Variants in PLAC1 observed in about 807,000 individuals in gnomAD.
PLAC1 encodes placenta associated 1.
For synonymous variants in PLAC1, 68 were observed against 62.1 expected, an observed-to-expected ratio of 1.09 and a Z score of -0.44; for missense variants, 136 against 163.2, an observed-to-expected ratio of 0.83 and a Z score of 0.91.
chrX:134,726,655 T>C (rs2147840964), intron 2 of PLAC1, among the ~76,000 whole-genome samples: 1 of 109,384 alleles, frequency 9.1e-6, no homozygotes, highest in South Asian at 4.0e-4. Flanking sequence ...AAACCCTGTC[T>C]CTACTAAAAT....
intron 1 of PLAC1, among the ~76,000 whole-genome samples, chrX:134,754,153 C>T: frequency 8.9e-6 from 1 of 112,069 alleles, no homozygotes; most frequent in Admixed American, 9.4e-5. Context: ...GGTACTTTTA[C>T]AATACGTTAT....
chrX:134,707,816 T>C (rs184759087), intron 2 of PLAC1, among the ~76,000 whole-genome samples: 4 of 112,065 alleles, frequency 3.6e-5, no homozygotes, highest in Non-Finnish European at 3.8e-5. Context: ...GTTTTCTCAA[T>C]GTATGTAAAC....
At chrX:134,637,433 A>T (rs1251745505) in intron 1 of PLAC1, among the ~76,000 whole-genome samples, 1 of 111,938 alleles carries the variant, frequency 8.9e-6, no homozygotes, top group Non-Finnish European at 1.9e-5. Flanking sequence ...ATTGGATCAC[A>T]TATTCCAGTT....
At chrX:134,633,198 AC>A in intron 1 of PLAC1, among the ~76,000 whole-genome samples, 1 of 111,755 alleles carries the variant, frequency 8.9e-6, no homozygotes, top group South Asian at 3.8e-4. Context: ...CTGATGGCCT[AC>A]TAAGCACATT....
At chrX:134,673,086 G>A (rs955179002) in intron 2 of PLAC1, among the ~76,000 whole-genome samples, 1 of 112,161 alleles carries the variant, frequency 8.9e-6, no homozygotes, top group Non-Finnish European at 1.9e-5. Flanking sequence ...AACATCTCAG[G>A]CTTGTGAACT....
At chrX:134,760,853 GC>G (rs2078768052) in intron 1 of PLAC1, among the ~76,000 whole-genome samples, 1 of 110,917 alleles carries the variant, frequency 9.0e-6, no homozygotes, top group Non-Finnish European at 1.9e-5. Context: ...GCCTCCAGAG[GC>G]CTTCTGTGCT....
intron 2 of PLAC1, among the ~76,000 whole-genome samples, chrX:134,575,860 C>T (rs1471495767): frequency 1.9e-5 from 2 of 107,967 alleles, no homozygotes; most frequent in Non-Finnish European, 3.8e-5. Flanking sequence ...ATTGGTTAAA[C>T]TTGTGTTCAT....
chrX:134,567,998 G>C (rs976335039), intron 2 of PLAC1, among the ~76,000 whole-genome samples: 1 of 111,664 alleles, frequency 9.0e-6, no homozygotes, highest in East Asian at 2.8e-4. Flanking sequence ...CTCTCAAAGA[G>C]TGACAGGCAG....
At chrX:134,577,750 C>CGTGTGT (rs750817404) in intron 2 of PLAC1, among the ~76,000 whole-genome samples, 1,470 of 94,119 alleles carry the variant, frequency 0.016, 11 homozygotes, top group South Asian at 0.048. Flanking sequence ...TGCATGCATG[C>CGTGTGT]GTGTGTGTGT....
chrX:134,673,453 C>A (rs1008013309), intron 2 of PLAC1, among the ~76,000 whole-genome samples: 1 of 110,187 alleles, frequency 9.1e-6, no homozygotes, highest in Non-Finnish European at 1.9e-5. Flanking sequence ...AATGGCCCAT[C>A]ATTCTGTGGC....
At chrX:134,671,202 A>G (rs1311061469) in intron 2 of PLAC1, among the ~76,000 whole-genome samples, 14 of 111,990 alleles carry the variant, frequency 1.3e-4, no homozygotes, top group Non-Finnish European at 2.4e-4. Flanking sequence ...CTGGCATGAC[A>G]GAGTATTTTT....
At position 134,744,170 on chromosome X, in the gene PLAC1, T is replaced by C. The variant is rs536969220; in HGVS notation, n.90-10651A>G. ...TGTGGCACATGCCTGTAATCCCAGC[T>C]ACTAAGGAGGCTGAGGCAGAAGAAT... is the stretch of plus-strand genomic sequence containing the variant. On this transcript the variant is annotated intron_variant and non_coding_transcript_variant, in intron 1 of 2. Transcript: ENST00000466797. 5.6e-5 allele frequency among the ~76,000 whole-genome samples: 6 copies of C among 108,094 alleles called. No homozygotes were observed. In the South Asian group the frequency reaches 2.4e-3, roughly 43 times the overall value. 93.9% of individuals were successfully genotyped at this position (108,094 alleles called of 115,157 possible). A position where few individuals can be genotyped will look rare whatever the true frequency, so the allele number is the denominator to read the frequency against.
intron 2 of PLAC1, among the ~76,000 whole-genome samples, chrX:134,587,798 C>T (rs773572743): frequency 1.8e-5 from 2 of 111,894 alleles, no homozygotes; most frequent in Non-Finnish European, 3.8e-5. Context: ...TGGCCTCTGC[C>T]GTGGCTCGCA....
chrX:134,732,536 T>C (rs1041578959), intron 2 of PLAC1, among the ~76,000 whole-genome samples: 1 of 110,712 alleles, frequency 9.0e-6, no homozygotes, highest in Non-Finnish European at 1.9e-5. Context: ...GCTTACCCCA[T>C]TTTTTAACAG....
At chrX:134,589,991 C>G (rs1001140900) in intron 2 of PLAC1, among the ~76,000 whole-genome samples, 8 of 107,310 alleles carry the variant, frequency 7.5e-5, no homozygotes, top group South Asian at 4.1e-4. Context: ...GTCAGGAGAT[C>G]AAGACCATCC....
At position 134,703,477 on chromosome X, in the gene PLAC1, G is replaced by A. The variant is rs567343846; in HGVS notation, n.174+29958C>T. Among the ~76,000 whole-genome samples, 4 of 111,323 alleles carry A rather than the reference G, an allele frequency of 3.6e-5. No homozygotes were observed. The East Asian group carries it at 8.4e-4, about 23-fold the overall frequency. ...ATTCACAACTGAGGGTCATTAAAAT[G>A]AGATCTTTTAAACAAAGACTATGAG... On this transcript the variant is annotated intron_variant and non_coding_transcript_variant, in intron 2 of 2. Transcript: ENST00000466797.
chrX:134,704,820 A>G (rs1448196657), intron 2 of PLAC1, among the ~76,000 whole-genome samples: 1 of 101,681 alleles, frequency 9.8e-6, no homozygotes. Flanking sequence ...GTGAAACCCC[A>G]TCTCTACCAA....
chrX:134,611,393 T>C (rs1239187682), intron 1 of PLAC1, among the ~76,000 whole-genome samples: 2 of 108,810 alleles, frequency 1.8e-5, no homozygotes, highest in East Asian at 5.7e-4. Flanking sequence ...ATCTGTGCAC[T>C]ATCACTTATT....
chrX:134,749,545 A>G (rs1427870021), intron 1 of PLAC1, among the ~76,000 whole-genome samples: 1 of 111,922 alleles, frequency 8.9e-6, no homozygotes, highest in African/African-American at 3.2e-5. Context: ...CAAAGAGTGC[A>G]CTTGTTTCTG....
Sources: allele counts gnomAD v4.1 joint callset (sites outside exome capture counted in the v4.1 genomes callset), GRCh38; gene constraint gnomAD v4.1.1; transcripts MANE v1.5; gene names NCBI Gene and HGNC (gene_info 2026-07-23, HGNC 2026-07-21).